EIF3H: variants seen among roughly 807,000 people sequenced by gnomAD.
EIF3H encodes eIF-3-gamma.
Under a neutral mutation model 44.2 loss-of-function variants are expected in EIF3H, and 26 were observed. The observed-to-expected ratio is 0.59, with a 90% CI of 0.43 to 0.82. The LOEUF (loss-of-function observed/expected upper bound fraction) is 0.82, where lower values mean the gene tolerates loss of function less well. Among genes scored for constraint, EIF3H ranks in the 40% least tolerant of loss-of-function variants. The pLI, the probability that EIF3H is intolerant of heterozygous loss-of-function variation, is 0.00. For missense variants in EIF3H, 359 were observed against 432.8 expected (o/e 0.83, Z 1.51); for synonymous variants, 166 against 151.9 (o/e 1.09, Z -0.68).
intron 1 of EIF3H, 67 bp downstream of exon 1, chr8:116,755,599 C>CGAG: frequency 6.2e-7 from 1 of 1,601,392 alleles, no homozygotes; most frequent in Non-Finnish European, 8.5e-7. Flanking sequence ...CTAGAAAGTA[C>CGAG]GTCTGGTGGG....
chr8:116,725,064 T>C (rs1040125388), intron 2 of EIF3H, among the ~76,000 whole-genome samples: 3 of 152,102 alleles, frequency 2.0e-5, no homozygotes, highest in African/African-American at 7.2e-5. Context: ...ATAAGGAAAA[T>C]GTGGTATATA....
intron 2 of EIF3H, among the ~76,000 whole-genome samples, chr8:116,664,486 G>GA (rs2130804492): frequency 1.3e-5 from 2 of 152,270 alleles, no homozygotes; most frequent in South Asian, 4.1e-4. Flanking sequence ...GCAGAATAAC[G>GA]AAACAGCATT....
Position 116,755,753 on chromosome 8 carries a change from G to A in EIF3H, c.45C>T (p.Ser15=), listed in dbSNP as rs779097967. 7.4e-6 allele frequency: 12 copies of A among 1,614,044 alleles called. No individual in the cohort carries two copies. In the South Asian group the frequency reaches 1.3e-4, roughly 18 times the overall value. The change falls in exon 1 of 8, where the codon TCC becomes TCT. Residue 15 remains serine, a synonymous_variant. Transcript: ENST00000521861. ...TCCCTGCTGCGCCGGCGGTGGAGCT[G>A]GAAGAGGTGGCAGTAGAGCCGGTAC... is the stretch of plus-strand genomic sequence containing the variant. ...KEGTGSTATS[S]SSTAGAAGKG... is the part of the protein sequence containing the mutation.
At chr8:116,708,800 G>C (rs1814516029) in intron 2 of EIF3H, among the ~76,000 whole-genome samples, 1 of 151,686 alleles carries the variant, frequency 6.6e-6, no homozygotes, top group Non-Finnish European at 1.5e-5. Context: ...CATCCTTATG[G>C]TACTCACTAC....
chr8:116,669,659 G>T (rs756125639), intron 2 of EIF3H, among the ~76,000 whole-genome samples: 36 of 152,126 alleles, frequency 2.4e-4, no homozygotes, highest in Non-Finnish European at 4.6e-4. Flanking sequence ...GGATGATTTG[G>T]ATTTTAAAAA....
At chr8:116,748,628 T>C (rs1815279030) in intron 1 of EIF3H, among the ~76,000 whole-genome samples, 1 of 152,218 alleles carries the variant, frequency 6.6e-6, no homozygotes, top group Admixed American at 6.5e-5. Context: ...TCTAGACCCT[T>C]AGAAATACTG....
intron 1 of EIF3H, among the ~76,000 whole-genome samples, chr8:116,733,461 A>G (rs1398149415): frequency 6.6e-6 from 1 of 152,228 alleles, no homozygotes; most frequent in Non-Finnish European, 1.5e-5. Flanking sequence ...CCTCATTAGC[A>G]TTAACTCAGG....
chr8:116,729,822 T>C (rs1217558889), intron 1 of EIF3H, among the ~76,000 whole-genome samples: 1 of 152,198 alleles, frequency 6.6e-6, no homozygotes, highest in Non-Finnish European at 1.5e-5. Flanking sequence ...TTTGGCTGCT[T>C]AGAGGATTAG....
At chr8:116,663,754 A>C (rs1242166081) in intron 2 of EIF3H, among the ~76,000 whole-genome samples, 1 of 151,972 alleles carries the variant, frequency 6.6e-6, no homozygotes. Flanking sequence ...GACATGGTGA[A>C]ACCTCGTCTC....
intron 2 of EIF3H, among the ~76,000 whole-genome samples, chr8:116,661,261 G>T (rs1813582618): frequency 6.6e-6 from 1 of 152,250 alleles, no homozygotes; most frequent in South Asian, 2.1e-4. Context: ...TATTTTAAAG[G>T]GAAAGGGAAG....
intron 2 of EIF3H, among the ~76,000 whole-genome samples, chr8:116,705,157 T>C (rs1814445893): frequency 6.6e-6 from 1 of 152,182 alleles, no homozygotes; most frequent in Non-Finnish European, 1.5e-5. Flanking sequence ...ATTTAGATAA[T>C]CAACAGTATG....
chr8:116,721,718 G>C (rs967861209), intron 2 of EIF3H, among the ~76,000 whole-genome samples: 1 of 152,244 alleles, frequency 6.6e-6, no homozygotes, highest in African/African-American at 2.4e-5. Context: ...GGAGTCAAAG[G>C]AGATCACTTT....
chr8:116,699,006 G>A (rs1416314101), intron 2 of EIF3H, among the ~76,000 whole-genome samples: 1 of 152,080 alleles, frequency 6.6e-6, no homozygotes, highest in African/African-American at 2.4e-5. Context: ...AAAATTAGCT[G>A]GGCGTAGTGG....
intron 1 of EIF3H, among the ~76,000 whole-genome samples, chr8:116,745,833 A>T (rs1005653010): frequency 4.6e-5 from 7 of 152,056 alleles, no homozygotes; most frequent in African/African-American, 1.7e-4. Flanking sequence ...GGGCACGAGA[A>T]TCGCTTGAAC....
At chr8:116,708,989 T>G (rs1814519239) in intron 2 of EIF3H, among the ~76,000 whole-genome samples, 1 of 150,720 alleles carries the variant, frequency 6.6e-6, no homozygotes. Flanking sequence ...AGCCAGGGCC[T>G]TTCTTTAAAA....
intron 2 of EIF3H, among the ~76,000 whole-genome samples, chr8:116,706,013 A>G (rs1490558854): frequency 6.6e-6 from 1 of 152,038 alleles, no homozygotes; most frequent in Non-Finnish European, 1.5e-5. Context: ...TCTAGCAGCC[A>G]TGGATAAACT....
At chr8:116,692,397 G>T (rs909208710) in intron 2 of EIF3H, among the ~76,000 whole-genome samples, 3 of 151,900 alleles carry the variant, frequency 2.0e-5, no homozygotes, top group African/African-American at 7.3e-5. Flanking sequence ...TATTTTTCTA[G>T]GGCCTTGATT....
At chr8:116,694,443 G>A (rs1814232908) in intron 2 of EIF3H, among the ~76,000 whole-genome samples, 1 of 151,940 alleles carries the variant, frequency 6.6e-6, no homozygotes, top group Non-Finnish European at 1.5e-5. Flanking sequence ...TGTGGCCACT[G>A]GTCTGTTTGT....
intron 1 of EIF3H, among the ~76,000 whole-genome samples, chr8:116,727,813 T>G (rs1814874907): frequency 6.6e-6 from 1 of 152,250 alleles, no homozygotes; most frequent in East Asian, 1.9e-4. Context: ...CATAATTCTG[T>G]GCACTGTAAC....
Sources: gnomAD v4.1 joint callset for allele counts (sites outside exome capture counted in the v4.1 genomes callset) on GRCh38, gnomAD v4.1.1 for gene constraint, MANE v1.5 for transcripts, NCBI Gene and HGNC (gene_info 2026-07-23, HGNC 2026-07-21) for gene names.